The following USP46 variants were observed in gnomAD, a reference collection of about 807,000 sequenced individuals.
The protein encoded by USP46 is ubiquitin specific peptidase 46.
In USP46, 12 loss-of-function variants were observed where a neutral mutation model predicts 44.4. The ratio of observed to expected loss-of-function variants is 0.27; its 90% CI spans 0.17 to 0.44. The LOEUF is 0.44. USP46 is among the 20% of genes least tolerant of loss of function. The probability of loss-of-function intolerance (pLI) is 1.00; values close to 1 mark genes in which losing one functional copy is unlikely to be tolerated. For synonymous variants in USP46, 155 were observed against 161.5 expected, an observed-to-expected ratio of 0.96 and a Z score of 0.31; for missense variants, 248 against 444.8, an observed-to-expected ratio of 0.56 and a Z score of 3.98.
At chr4:52,608,674 T>C (rs1466101512) in intron 5 of USP46, among the ~76,000 whole-genome samples, 1 of 152,152 alleles carries the variant, frequency 6.6e-6, no homozygotes, top group East Asian at 1.9e-4. Flanking sequence ...CTCCCTCCAT[T>C]CAATTACATC....
chr4:52,628,217 C>A (rs1717667782), intron 2 of USP46, 54 bp from the exon 3 acceptor site: 2 of 1,568,310 alleles, frequency 1.3e-6, no homozygotes, highest in Non-Finnish European at 1.7e-6. Context: ...TGAGCCACCT[C>A]TGGAATAAGT....
At chr4:52,600,689 C>A (rs1195822475) in intron 7 of USP46, among the ~76,000 whole-genome samples, 2 of 152,034 alleles carry the variant, frequency 1.3e-5, no homozygotes, top group Non-Finnish European at 2.9e-5. Flanking sequence ...CCTGTCCACA[C>A]CACCCCTGCC....
At position 52,627,652 on chromosome 4, in the gene USP46, G is replaced by A. The variant is rs533805093; in HGVS notation, c.331+298C>T. ...TTTAGGCCAATGAGTATCCCACTCC[G>A]AAGGCTGCCTTGGACACTATTCTCT... On this transcript the variant is annotated intron_variant, in intron 3 of 8. Coordinates refer to ENST00000441222, the MANE Select transcript of USP46 (RefSeq NM_022832.4). 4.6e-5 allele frequency among the ~76,000 whole-genome samples: 7 copies of A among 152,276 alleles called. No homozygotes were observed. The East Asian group carries it at 5.8e-4, about 13-fold the overall frequency.
chr4:52,596,267 TCA>T lies in USP46; in HGVS notation c.*1371_*1372del, dbSNP rs1175614948. The stretch of plus-strand genomic sequence containing the variant: ...GATGCATTAGGTAACAAAAATATGT[TCA>T]CAGTTTATTATAGTGTATGGAAGTT... On this transcript the variant is annotated 3_prime_UTR_variant, in exon 9 of 9. Coordinates refer to ENST00000441222, the MANE Select transcript of USP46 (RefSeq NM_022832.4). 1.3e-5 allele frequency: 2 copies of T among 152,804 alleles called. No homozygotes were observed. Among genetic ancestry groups the T allele is most frequent in the Admixed American group, 1.3e-4 (2 of 15,306 alleles). The allele number at this position is 152,804 out of a possible 1,614,324, so 9.5% of individuals were successfully genotyped here. A position where few individuals can be genotyped will look rare whatever the true frequency, so the allele number is the denominator to read the frequency against.
At chr4:52,627,650 C>A (rs1211582248) in intron 3 of USP46, among the ~76,000 whole-genome samples, 1 of 152,194 alleles carries the variant, frequency 6.6e-6, no homozygotes, top group Non-Finnish European at 1.5e-5. Context: ...GTATCCCACT[C>A]CGAAGGCTGC....
intron 4 of USP46, 23 bp downstream of exon 4, chr4:52,625,995 A>G (rs776817439): frequency 1.7e-5 from 27 of 1,599,906 alleles, no homozygotes; most frequent in Middle Eastern, 1.7e-4. Flanking sequence ...TGCGAGCTAC[A>G]TAAGAGCTCC....
Position 52,597,520 on chromosome 4 carries a change from C to T in USP46, c.*120G>A. ...AGGAGAGAGTCTAACACAGCCAGAC[C>T]ATTGAGACTCGGAGTGATACCATTA... On this transcript the variant is annotated 3_prime_UTR_variant, in exon 9 of 9. Transcript: ENST00000441222. The T allele has an allele frequency of 1.5e-6, 1 of 688,126 alleles. No homozygotes were observed. Among genetic ancestry groups the T allele is most frequent in the South Asian group, 1.7e-5 (1 of 58,566 alleles). The allele number at this position is 688,126 out of a possible 1,614,324, so 42.6% of individuals were successfully genotyped here. A position where few individuals can be genotyped will look rare whatever the true frequency, so the allele number is the denominator to read the frequency against.
At chr4:52,657,971 C>G (rs1238980032) in intron 1 of USP46, among the ~76,000 whole-genome samples, 1 of 152,200 alleles carries the variant, frequency 6.6e-6, no homozygotes, top group East Asian at 1.9e-4. Flanking sequence ...GGGGGAAGGG[C>G]AGCCAGATCA....
rs960530500 is a variant in USP46 at position 52,595,393 on chromosome 4, G to T, written c.*2247C>A. 8 of 152,632 alleles carry T rather than the reference G, an allele frequency of 5.2e-5. No homozygotes were observed. Among genetic ancestry groups the T allele is most frequent in the Admixed American group, 5.2e-4 (8 of 15,280 alleles). The allele number at this position is 152,632 out of a possible 1,614,324, so 9.5% of individuals were successfully genotyped here. A position where few individuals can be genotyped will look rare whatever the true frequency, so the allele number is the denominator to read the frequency against. On this transcript the variant is annotated 3_prime_UTR_variant, in exon 9 of 9. Transcript: ENST00000441222. ...AATTTTAAAAAGCTGATGGAGTGTT[G>T]CTGGAGAAGTGTGTTTTGGTCTTTT...
At chr4:52,630,048 A>C (rs1200368557) in intron 2 of USP46, among the ~76,000 whole-genome samples, 1 of 152,236 alleles carries the variant, frequency 6.6e-6, no homozygotes, top group African/African-American at 2.4e-5. Flanking sequence ...CAGCATAATT[A>C]TTCAGAAAAC....
intron 1 of USP46, among the ~76,000 whole-genome samples, chr4:52,648,244 C>G (rs927288319): frequency 2.6e-5 from 4 of 152,190 alleles, no homozygotes; most frequent in African/African-American, 9.7e-5. Context: ...TGGTGCTCCT[C>G]CAAGAGCCGA....
At chr4:52,611,814 C>T (rs940651221) in intron 4 of USP46, among the ~76,000 whole-genome samples, 4 of 152,130 alleles carry the variant, frequency 2.6e-5, no homozygotes, top group Non-Finnish European at 4.4e-5. Context: ...TCGCTTGAAG[C>T]TGTGAGGCAG....
chr4:52,599,651 T>C, intron 7 of USP46, among the ~76,000 whole-genome samples: 1 of 152,154 alleles, frequency 6.6e-6, no homozygotes, highest in East Asian at 1.9e-4. Context: ...CACCTGTTAC[T>C]ATGTAGTTAG....
At position 52,602,009 on chromosome 4, in the gene USP46, C is replaced by T; in HGVS notation, c.768G>A (p.Lys256=). 2 of 1,613,900 alleles carry T rather than the reference C, an allele frequency of 1.2e-6. No homozygotes were observed. Among genetic ancestry groups the T allele is most frequent in the Non-Finnish European group, 1.7e-6 (2 of 1,179,854 alleles). ...GCAGCTGCTCCATGTACTTGAACCGCTTTAGGTGCAGGGCCAAGATCATGG... is the reference window on the plus strand; with the variant it reads ...GCAGCTGCTCCATGTACTTGAACCGTTTTAGGTGCAGGGCCAAGATCATGG... The part of the protein sequence containing the change: ...KLPMILALHL[K]RFKYMEQLHR... Residue 256 remains lysine, a synonymous_variant, in exon 7 of 9, where the codon AAG becomes AAA. Transcript: ENST00000441222.
chr4:52,633,206 A>G (rs184655324), intron 1 of USP46, among the ~76,000 whole-genome samples: 3 of 152,288 alleles, frequency 2.0e-5, no homozygotes, highest in African/African-American at 7.2e-5. Flanking sequence ...GGACCACAGA[A>G]CTACAGTAGA....
intron 3 of USP46, 138 bp downstream of exon 3, chr4:52,627,812 T>TA (rs1402496239): frequency 4.0e-6 from 4 of 999,576 alleles, no homozygotes; most frequent in Middle Eastern, 5.1e-4. Flanking sequence ...TGTTGTTTCT[T>TA]AAAAAATGAC....
chr4:52,595,326 T>C lies in USP46; in HGVS notation c.*2314A>G, dbSNP rs1296591298. The C allele has an allele frequency of 1.3e-5, 2 of 152,640 alleles. No homozygotes were observed. Among genetic ancestry groups the C allele is most frequent in the South Asian group, 4.1e-4 (2 of 4,832 alleles). 9.5% of individuals were successfully genotyped at this position (152,640 alleles called of 1,614,324 possible). On this transcript the variant is annotated 3_prime_UTR_variant, in exon 9 of 9. Coordinates refer to ENST00000441222, the MANE Select transcript of USP46 (RefSeq NM_022832.4). ...CTGCAGCTGCCCAGTGTTTGTTTCA[T>C]TTATTGAGAAGGAAGAGGGAAAAAA...
chr4:52,617,939 G>GTCTCTCAAAAACTCT (rs1717225768), intron 4 of USP46, among the ~76,000 whole-genome samples: 1 of 152,060 alleles, frequency 6.6e-6, no homozygotes, highest in African/African-American at 2.4e-5. Flanking sequence ...GAGCATGGAG[G>GTCTCTCAAAAACTCT]TCTCTCAAAA....
intron 1 of USP46, among the ~76,000 whole-genome samples, chr4:52,643,616 T>G (rs891179486): frequency 6.6e-6 from 1 of 152,218 alleles, no homozygotes; most frequent in Non-Finnish European, 1.5e-5. Flanking sequence ...CAGCACCTAG[T>G]AGAATGTCTG....
Sources: gnomAD v4.1 joint callset for allele counts (sites outside exome capture counted in the v4.1 genomes callset) on GRCh38, gnomAD v4.1.1 for gene constraint, MANE v1.5 for transcripts, NCBI Gene and HGNC (gene_info 2026-07-23, HGNC 2026-07-21) for gene names.